Variants in DSE observed in about 807,000 individuals in gnomAD.
DSE encodes dermatan-sulfate epimerase.
DSE carries 36 observed loss-of-function variants against 84.4 expected under a neutral mutation model. The ratio of observed to expected loss-of-function variants is 0.43; its 90% CI spans 0.33 to 0.56. The LOEUF (loss-of-function observed/expected upper bound fraction) is 0.56, where lower values mean the gene tolerates loss of function less well. DSE is among the 20% of genes least tolerant of loss of function. DSE has a pLI of 0.06. For synonymous variants in DSE, 410 were observed against 430.1 expected, an observed-to-expected ratio of 0.95 and a Z score of 0.58; for missense variants, 862 against 1,169.6, an observed-to-expected ratio of 0.74 and a Z score of 3.84.
intron 2 of DSE, among the ~76,000 whole-genome samples, chr6:116,411,548 TAGTG>T (rs1456160832): frequency 2.0e-5 from 3 of 152,038 alleles, no homozygotes; most frequent in Admixed American, 1.3e-4. Context: ...TGTAACAACT[TAGTG>T]AGCAATTTTT....
chr6:116,303,295 A>G (rs1225419696), intron 2 of DSE, among the ~76,000 whole-genome samples: 2 of 152,104 alleles, frequency 1.3e-5, no homozygotes, highest in Non-Finnish European at 2.9e-5. Context: ...GAATTTTTAT[A>G]CAAAGTTAGG....
intron 2 of DSE, among the ~76,000 whole-genome samples, chr6:116,401,808 A>T (rs569948415): frequency 6.6e-6 from 1 of 152,184 alleles, no homozygotes; most frequent in Non-Finnish European, 1.5e-5. Flanking sequence ...AGAAGTACAC[A>T]ATGAGTATTG....
At chr6:116,406,583 T>C (rs1781943955) in intron 2 of DSE, among the ~76,000 whole-genome samples, 1 of 152,250 alleles carries the variant, frequency 6.6e-6, no homozygotes, top group South Asian at 2.1e-4. Context: ...AGGGTCTTGC[T>C]GACATTAAGT....
chr6:116,334,443 C>G (rs576162729), intron 2 of DSE, among the ~76,000 whole-genome samples: 6 of 152,316 alleles, frequency 3.9e-5, no homozygotes, highest in African/African-American at 1.2e-4. Flanking sequence ...GAGAATTAGG[C>G]TCTCTTTGCC....
At chr6:116,428,188 T>G (rs1420291269) in intron 3 of DSE, among the ~76,000 whole-genome samples, 1 of 151,890 alleles carries the variant, frequency 6.6e-6, no homozygotes, top group Non-Finnish European at 1.5e-5. Flanking sequence ...GACTCAGCCT[T>G]AAAGAAATAA....
chr6:116,302,341 G>A (rs1775088447), intron 2 of DSE, among the ~76,000 whole-genome samples: 1 of 152,150 alleles, frequency 6.6e-6, no homozygotes, highest in African/African-American at 2.4e-5. Flanking sequence ...GCTGGCGTGA[G>A]GTGGTATCTC....
intron 2 of DSE, among the ~76,000 whole-genome samples, chr6:116,410,745 A>G (rs1782290262): frequency 2.9e-5 from 1 of 34,748 alleles, no homozygotes; most frequent in East Asian, 5.2e-4. Flanking sequence ...AAAAAAAAAA[A>G]AAAAAAAAAA....
chr6:116,399,388 G>T lies in DSE; in HGVS notation c.138G>T (p.Leu46=). Residue 46 remains leucine, a synonymous_variant, in exon 2 of 6, where the codon CTG becomes CTT. Coordinates refer to ENST00000644252, the MANE Select transcript of DSE (RefSeq NM_013352.4). ...TNANYDSHPM[L]YFSRAEVAEL... is the part of the protein sequence containing the mutation. ...CCAACTACGACAGCCATCCCATGCT[G>T]TACTTCTCCAGGGCAGAAGTGGCGG... 1 of 1,614,100 alleles carries T rather than the reference G, an allele frequency of 6.2e-7. No individual in the cohort carries two copies.
intron 2 of DSE, among the ~76,000 whole-genome samples, chr6:116,415,525 C>T (rs1156298736): frequency 2.0e-5 from 3 of 150,082 alleles, no homozygotes; most frequent in African/African-American, 7.3e-5. Flanking sequence ...CCTTTTCTTC[C>T]CCCTTTTTTC....
intron 2 of DSE, chr6:116,279,759 G>A (rs750767263): frequency 6.2e-7 from 1 of 1,612,292 alleles, no homozygotes; most frequent in East Asian, 2.2e-5. Context: ...GGTCGCTCGG[G>A]ACTTGGTCAG....
At chr6:116,342,984 T>C (rs2114825256) in intron 2 of DSE, among the ~76,000 whole-genome samples, 1 of 152,274 alleles carries the variant, frequency 6.6e-6, no homozygotes, top group Admixed American at 6.5e-5. Context: ...CAAATGGCAC[T>C]CCTGGAGATT....
intron 2 of DSE, among the ~76,000 whole-genome samples, chr6:116,264,516 G>A (rs971586017): frequency 6.6e-6 from 1 of 152,060 alleles, no homozygotes; most frequent in Non-Finnish European, 1.5e-5. Flanking sequence ...CTTGGATTGG[G>A]TTTCAATGTA....
chr6:116,356,472 T>C (rs997458289), intron 2 of DSE, among the ~76,000 whole-genome samples: 7 of 152,242 alleles, frequency 4.6e-5, no homozygotes, highest in Admixed American at 4.6e-4. Context: ...ATTTCATCTT[T>C]TTAAAAACAT....
At chr6:116,390,248 T>C (rs1249031882) in intron 1 of DSE, among the ~76,000 whole-genome samples, 1 of 152,020 alleles carries the variant, frequency 6.6e-6, no homozygotes, top group Non-Finnish European at 1.5e-5. Context: ...TTGTATTTTT[T>C]TGTAGAGACA....
intron 5 of DSE, among the ~76,000 whole-genome samples, chr6:116,434,383 A>G (rs1784031097): frequency 6.6e-6 from 1 of 152,160 alleles, no homozygotes; most frequent in Non-Finnish European, 1.5e-5. Context: ...AAAATTAAGG[A>G]GGAAAAAATA....
chr6:116,335,238 G>A (rs1348783137), intron 2 of DSE, among the ~76,000 whole-genome samples: 2 of 152,176 alleles, frequency 1.3e-5, no homozygotes, highest in African/African-American at 2.4e-5. Flanking sequence ...CATGGATGGA[G>A]CTAGAGGCCA....
intron 2 of DSE, among the ~76,000 whole-genome samples, chr6:116,407,637 A>G (rs1026272963): frequency 3.3e-5 from 5 of 152,106 alleles, no homozygotes; most frequent in African/African-American, 7.2e-5. Context: ...TTATTTACCC[A>G]TAGTCATTTT....
chr6:116,256,584 G>C (rs1772152153), intron 1 of DSE: 1 of 152,100 alleles, frequency 6.6e-6, no homozygotes, highest in Admixed American at 6.5e-5. Flanking sequence ...GTTTCATTAA[G>C]GTCAGTTTTA....
chr6:116,418,878 A>G (rs1782895765), intron 2 of DSE, among the ~76,000 whole-genome samples: 1 of 152,220 alleles, frequency 6.6e-6, no homozygotes, highest in Admixed American at 6.5e-5. Context: ...GCTTTTTCAC[A>G]ACCTATAAAA....
Sources: allele counts gnomAD v4.1 joint callset (sites outside exome capture counted in the v4.1 genomes callset), GRCh38; gene constraint gnomAD v4.1.1; transcripts MANE v1.5; gene names NCBI Gene and HGNC (gene_info 2026-07-23, HGNC 2026-07-21).